The following PHIP variants were observed in gnomAD, a reference collection of about 807,000 sequenced individuals.
The protein encoded by PHIP is PHIP subunit of CUL4-Ring ligase complex.
PHIP carries 54 observed loss-of-function variants against 236.8 expected under a neutral mutation model. The ratio of observed to expected loss-of-function variants is 0.23; its 90% confidence interval spans 0.18 to 0.29. The LOEUF (loss-of-function observed/expected upper bound fraction) is 0.29, where lower values mean the gene tolerates loss of function less well. Among genes scored for constraint, PHIP ranks in the 10% least tolerant of loss-of-function variants. The pLI is 1.00. For synonymous variants in PHIP, 756 were observed against 718.9 expected, an observed-to-expected ratio of 1.05 and a Z score of -0.83; for missense variants, 1,370 against 2,190.8, an observed-to-expected ratio of 0.63 and a Z score of 7.48.
intron 4 of PHIP, among the ~76,000 whole-genome samples, chr6:79,064,973 G>A (rs1445161620): frequency 6.6e-6 from 1 of 152,120 alleles, no homozygotes; most frequent in African/African-American, 2.4e-5. Context: ...CCCTACCTGG[G>A]TGGATGTCAA....
rs1221663547 is a variant in PHIP at position 78,934,437 on chromosome 6, CTTT to C, written c.*6253_*6255del. 3.3e-5 allele frequency among the ~76,000 whole-genome samples: 5 copies of C among 152,198 alleles called. No individual in the cohort carries two copies. The highest frequency in any genetic ancestry group is 6.5e-5 in the Admixed American group (1 of 15,286). ...AATAAAATAAAGTGTGCCTGTACTT[CTTT>C]TTATTAGTAAACATGTACTTTTAAA... On this transcript the variant is annotated 3_prime_UTR_variant, in exon 40 of 40. Transcript: ENST00000275034.
intron 16 of PHIP, among the ~76,000 whole-genome samples, chr6:79,002,775 C>G (rs1272668799): frequency 6.6e-6 from 1 of 151,972 alleles, no homozygotes; most frequent in Non-Finnish European, 1.5e-5. Flanking sequence ...ATAAATCATT[C>G]AACAGTATTT....
chr6:79,061,555 C>G (rs190431510), intron 4 of PHIP, among the ~76,000 whole-genome samples: 1 of 151,944 alleles, frequency 6.6e-6, no homozygotes, highest in Non-Finnish European at 1.5e-5. Context: ...TAAAACAATG[C>G]CACGCTTCTC....
At chr6:79,013,647 A>G (rs1770698151) in intron 15 of PHIP, among the ~76,000 whole-genome samples, 1 of 151,696 alleles carries the variant, frequency 6.6e-6, no homozygotes, top group Non-Finnish European at 1.5e-5. Flanking sequence ...ATCTACTGAA[A>G]AGGTAGAATA....
Position 78,963,166 on chromosome 6 carries a change from A to G in PHIP, c.3466T>C (p.Trp1156Arg). The G allele has an allele frequency of 6.2e-7, 1 of 1,611,604 alleles. No homozygotes were observed. The highest frequency in any genetic ancestry group is 8.5e-7 in the Non-Finnish European group (1 of 1,178,782). ...SLIYKPLDGEWGTNPRDEECE... is the reference protein window; with the variant it reads ...SLIYKPLDGERGTNPRDEECE... ...TCTTCATCCCTGGGATTGGTACCCC[A>G]TTCTCCATCAAGAGGTTTATAGATT... Residue 1156 changes from tryptophan (W) to arginine (R), a missense_variant, in exon 30 of 40, where the codon TGG (tryptophan) becomes CGG (arginine). Around this residue, in one of 14 missense-constraint regions of PHIP, gnomAD observed 238 missense variants for 398.5 expected, o/e 0.60. Coordinates refer to ENST00000275034, the MANE Select transcript of PHIP (RefSeq NM_017934.7).
At chr6:79,043,844 C>A (rs1162677135) in intron 6 of PHIP, among the ~76,000 whole-genome samples, 3 of 124,004 alleles carry the variant, frequency 2.4e-5, no homozygotes, top group African/African-American at 9.2e-5. Context: ...TTTTTTTTTT[C>A]TAACAGTGAC....
At chr6:78,952,386 T>C (rs1033550788) in intron 35 of PHIP, among the ~76,000 whole-genome samples, 3 of 133,702 alleles carry the variant, frequency 2.2e-5, no homozygotes, top group Non-Finnish European at 4.6e-5. Context: ...GCCACTGCAC[T>C]CCAGCCTGGA....
At chr6:79,039,226 T>C (rs1232135387) in intron 7 of PHIP, among the ~76,000 whole-genome samples, 1 of 152,202 alleles carries the variant, frequency 6.6e-6, no homozygotes. Flanking sequence ...GTCACAAAAG[T>C]ATCTTGATTT....
chr6:78,963,383 T>C (rs1283267382), intron 29 of PHIP, 131 bp from the exon 30 acceptor site: 4 of 601,432 alleles, frequency 6.7e-6, no homozygotes, highest in African/African-American at 2.0e-5. Flanking sequence ...ACTCTTTATT[T>C]TAACAAAGGA....
In PHIP at chr6:79,042,662, T is replaced by C. The variant is rs1028842964; in HGVS notation, c.600+181A>G. Among the ~76,000 whole-genome samples, 3 of 152,032 alleles carry C rather than the reference T, an allele frequency of 2.0e-5. No homozygotes were observed. In the South Asian group the frequency reaches 6.2e-4, roughly 31 times the overall value. ...GTGCTGCAACATGTCATTTAGAAAC[T>C]TTCTGAATTTGGATAAAGTCCAAAT... On this transcript the variant is annotated intron_variant, in intron 7 of 39. Coordinates refer to ENST00000275034, the MANE Select transcript of PHIP (RefSeq NM_017934.7).
Position 78,969,929 on chromosome 6 carries a change from C to T in PHIP, c.3123-12G>A. On this transcript the variant is annotated splice_polypyrimidine_tract_variant and intron_variant, in intron 26 of 39. Coordinates refer to ENST00000275034, the MANE Select transcript of PHIP (RefSeq NM_017934.7). Reference sequence around the variant, plus strand: ...GCATATCATGGTATCTAATTACAAACAGAAACAAATTGATTAGGTCACATA... The same window carrying T: ...GCATATCATGGTATCTAATTACAAATAGAAACAAATTGATTAGGTCACATA... The T allele has an allele frequency of 5.7e-6, 9 of 1,581,642 alleles. No individual in the cohort carries two copies. The highest frequency in any genetic ancestry group is 7.8e-6 in the Non-Finnish European group (9 of 1,158,170).
chr6:79,015,350 A>T, intron 14 of PHIP, 134 bp from the exon 15 acceptor site: 1 of 718,068 alleles, frequency 1.4e-6, no homozygotes, highest in Non-Finnish European at 2.3e-6. Context: ...AAATCTTCAA[A>T]TTTGTCATGT....
intron 29 of PHIP, among the ~76,000 whole-genome samples, chr6:78,964,270 T>C (rs995379416): frequency 1.3e-5 from 2 of 152,188 alleles, no homozygotes; most frequent in African/African-American, 4.8e-5. Context: ...TGATAATTCC[T>C]GCAGAGAACT....
chr6:79,073,534 G>C (rs1429089723), intron 4 of PHIP, among the ~76,000 whole-genome samples: 2 of 151,838 alleles, frequency 1.3e-5, no homozygotes, highest in Non-Finnish European at 2.9e-5. Context: ...ATATAGAATG[G>C]GAATCCCTAC....
intron 24 of PHIP, among the ~76,000 whole-genome samples, chr6:78,971,722 C>A (rs1459073709): frequency 6.6e-6 from 1 of 152,178 alleles, no homozygotes; most frequent in African/African-American, 2.4e-5. Context: ...TCAGGAAGCA[C>A]AGGGAGTCAG....
At chr6:79,068,448 G>T (rs1773731911) in intron 4 of PHIP, among the ~76,000 whole-genome samples, 1 of 152,110 alleles carries the variant, frequency 6.6e-6, no homozygotes, top group African/African-American at 2.4e-5. Flanking sequence ...GAGTGACAGG[G>T]CAAGACTTTG....
chr6:78,952,910 C>T (rs545396428), intron 35 of PHIP, among the ~76,000 whole-genome samples: 1 of 151,646 alleles, frequency 6.6e-6, no homozygotes, highest in African/African-American at 2.4e-5. Flanking sequence ...GGAATGTCAT[C>T]TCTCTTTTTT....
At chr6:78,997,175 T>C (rs1161575256) in intron 19 of PHIP, among the ~76,000 whole-genome samples, 1 of 152,110 alleles carries the variant, frequency 6.6e-6, no homozygotes, top group Non-Finnish European at 1.5e-5. Context: ...ATTTGGTCAA[T>C]CCAAATTTAT....
chr6:78,983,149 C>T lies in PHIP; in HGVS notation c.2538-32G>A, dbSNP rs376408119. ...GGAGAGAAGGGATTATTAGATAACACACAAGATAAAATTTTAAGACTTGTT... is the reference window on the plus strand; with the variant it reads ...GGAGAGAAGGGATTATTAGATAACATACAAGATAAAATTTTAAGACTTGTT... On this transcript the variant is annotated intron_variant, in intron 22 of 39. Coordinates refer to ENST00000275034, the MANE Select transcript of PHIP (RefSeq NM_017934.7). 6.4e-5 allele frequency: 74 copies of T among 1,150,168 alleles called. 1 individual carries two copies. The highest frequency in any genetic ancestry group is 5.9e-4 in the East Asian group (24 of 40,354). The allele number at this position is 1,150,168 out of a possible 1,614,324, so 71.2% of individuals were successfully genotyped here.
Sources: allele counts gnomAD v4.1 joint callset (sites outside exome capture counted in the v4.1 genomes callset), GRCh38; gene constraint gnomAD v4.1.1; regional missense constraint gnomAD v4.1.1; transcripts MANE v1.5; gene names NCBI Gene and HGNC (gene_info 2026-07-23, HGNC 2026-07-21).